The following GABBR1 variants were observed in gnomAD, a reference collection of about 807,000 sequenced individuals.
GABBR1 encodes the protein GABA-B receptor, R1 subunit.
Under a neutral mutation model 117.7 loss-of-function variants are expected in GABBR1, and 35 were observed. That is an observed-to-expected ratio of 0.30 (90% CI 0.23 to 0.39). The LOEUF is 0.39. Ranked by LOEUF, GABBR1 falls within the 10% of genes least tolerant of loss-of-function variation. The probability of loss-of-function intolerance (pLI) is 1.00; values close to 1 mark genes in which losing one functional copy is unlikely to be tolerated. For synonymous variants in GABBR1, 442 were observed against 486.6 expected, an observed-to-expected ratio of 0.91 and a Z score of 1.21; for missense variants, 709 against 1,241.8, an observed-to-expected ratio of 0.57 and a Z score of 6.45.
rs1172610531 is a variant in GABBR1, at chr6:29,627,978, G to A, written c.497-332C>T. On this transcript the variant is annotated intron_variant, in intron 5 of 22. Transcript: ENST00000377034. This position sits in a 1 kb window ranked among gnomAD's most constrained non-coding sequence, Gnocchi z 4.4. ...TACGGCCCCCGCGGCTCTCGCCACC[G>A]TCGCCGCCACCGCGGACTCTCCTCG... The A allele has an allele frequency of 1.5e-6, 2 of 1,343,676 alleles. No individual in the cohort carries two copies. The highest frequency in any genetic ancestry group is 1.5e-5 in the African/African-American group (1 of 64,682). The allele number at this position is 1,343,676 out of a possible 1,614,324, so 83.2% of individuals were successfully genotyped here.
Position 29,603,026 on chromosome 6 carries a change from G to A in GABBR1, c.*517C>T. The stretch of plus-strand genomic sequence containing the variant: ...TGGCGAAAAGAATGAGCTCCCAAAG[G>A]AAGCAAAATTCAGGGGGAGCCACAT... On this transcript the variant is annotated 3_prime_UTR_variant, in exon 23 of 23. Transcript: ENST00000377034. The A allele has an allele frequency of 2.2e-6, 1 of 456,888 alleles. No homozygotes were observed. Among genetic ancestry groups the A allele is most frequent in the Non-Finnish European group, 4.4e-6 (1 of 227,036 alleles). 28.3% of individuals were successfully genotyped at this position (456,888 alleles called of 1,614,324 possible).
In GABBR1 at chr6:29,613,531, T is replaced by C; in HGVS notation, c.1324-46A>G. ...AGGAAAGAACTGAAATGTGTGTGGG[T>C]GTGGGGGAAGGGGTGCAATCCAATT... On this transcript the variant is annotated intron_variant, in intron 11 of 22. Coordinates refer to ENST00000377034, the MANE Select transcript of GABBR1 (RefSeq NM_001470.4). The surrounding 1 kb of genome is among the most constrained non-coding windows in gnomAD (Gnocchi z 4.1). 6.3e-7 allele frequency: 1 copy of C among 1,593,702 alleles called. No homozygotes were observed. The highest frequency in any genetic ancestry group is 2.2e-5 in the East Asian group (1 of 44,556).
At chr6:29,629,031 G>A (rs1158746736) in intron 5 of GABBR1, 56 bp downstream of exon 5, 35 of 1,601,510 alleles carry the variant, frequency 2.2e-5, no homozygotes, top group Admixed American at 2.2e-4. Context: ...GGGGTGGAGG[G>A]TGCAGAGTGA....
rs532142172 is a variant in GABBR1 at position 29,613,120 on chromosome 6, G to A, written c.1566+123C>T. On this transcript the variant is annotated intron_variant, in intron 12 of 22. Transcript: ENST00000377034. This position sits in a 1 kb window ranked among gnomAD's most constrained non-coding sequence, Gnocchi z 4.1. ...TTTGAAGGTCCCTACTTCTCTGGTC[G>A]GAGACTGATTCTGCAAAGAAGTAAC... 241 of 1,075,018 alleles carry A rather than the reference G, an allele frequency of 2.2e-4. No individual in the cohort carries two copies. In the African/African-American group the frequency reaches 2.9e-3, roughly 13 times the overall value. The allele number at this position is 1,075,018 out of a possible 1,614,324, so 66.6% of individuals were successfully genotyped here.
At chr6:29,616,886 GC>G (rs1562100994) in intron 11 of GABBR1, among the ~76,000 whole-genome samples, 1 of 142,916 alleles carries the variant, frequency 7.0e-6, no homozygotes, top group Non-Finnish European at 1.5e-5. Flanking sequence ...GGTGGCTCAC[GC>G]CTGTAATCCC....
chr6:29,610,309 G>A (rs943188829), intron 14 of GABBR1, among the ~76,000 whole-genome samples: 14 of 152,166 alleles, frequency 9.2e-5, no homozygotes, highest in Non-Finnish European at 2.1e-4. Context: ...ATATTTTGAG[G>A]GATGTAATAC....
At chr6:29,629,009 C>T in intron 5 of GABBR1, 78 bp downstream of exon 5, 1 of 1,561,466 alleles carries the variant, frequency 6.4e-7, no homozygotes, top group Non-Finnish European at 8.8e-7. Context: ...AGCCTAAGGG[C>T]AGAATTTCAG....
At position 29,605,219 on chromosome 6, in the gene GABBR1, A is replaced by G; in HGVS notation, c.2440-231T>C. ...TCCCCTCAAGGCAGGAACTCCCAGG[A>G]TCTCTATGCACAGATTCCGGGTCCT... On this transcript the variant is annotated intron_variant, in intron 20 of 22. Transcript: ENST00000377034. The surrounding 1 kb of genome is among the most constrained non-coding windows in gnomAD (Gnocchi z 4.2). 1 of 581,936 alleles carries G rather than the reference A, an allele frequency of 1.7e-6. No individual in the cohort carries two copies. Among genetic ancestry groups the G allele is most frequent in the South Asian group, 2.4e-5 (1 of 41,578 alleles). The allele number at this position is 581,936 out of a possible 1,614,324, so 36.0% of individuals were successfully genotyped here.
chr6:29,611,992 C>T lies in GABBR1; in HGVS notation c.1630+559G>A, dbSNP rs1014057271. Among the ~76,000 whole-genome samples the T allele has an allele frequency of 1.3e-5, 2 of 152,000 alleles. No individual in the cohort carries two copies. The highest frequency in any genetic ancestry group is 4.8e-5 in the African/African-American group (2 of 41,382). On this transcript the variant is annotated intron_variant, in intron 13 of 22. Transcript: ENST00000377034. The surrounding 1 kb of genome is among the most constrained non-coding windows in gnomAD (Gnocchi z 4.6). The stretch of plus-strand genomic sequence containing the variant: ...AAAGAGAGTAGCTGTTTTTAATTTG[C>T]ATGTCTCTTTTCTTTTCTTTTTTCT...
In GABBR1 at chr6:29,605,427, G is replaced by C; in HGVS notation, c.2439+142C>G. On this transcript the variant is annotated intron_variant, in intron 20 of 22. Coordinates refer to ENST00000377034, the MANE Select transcript of GABBR1 (RefSeq NM_001470.4). The surrounding 1 kb of genome is among the most constrained non-coding windows in gnomAD (Gnocchi z 4.2). ...TAGTGAGCTTTGTAAACTGTAAAGT[G>C]CTTTATAGACCTGAAGAATTAACAA... 1 of 941,372 alleles carries C rather than the reference G, an allele frequency of 1.1e-6. No individual in the cohort carries two copies. The highest frequency in any genetic ancestry group is 1.6e-5 in the South Asian group (1 of 62,728). 58.3% of individuals were successfully genotyped at this position (941,372 alleles called of 1,614,324 possible).
rs1762286897 is a variant in GABBR1, at chr6:29,609,335, G to A, written c.1753C>T (p.Arg585Cys). 1.9e-6 allele frequency: 3 copies of A among 1,612,912 alleles called. No individual in the cohort carries two copies. The highest frequency in any genetic ancestry group is 1.7e-5 in the Admixed American group (1 of 60,016). ...ADQTLVIKTF[R>C]FLSQKLFISV... ...ATAAAGAGTTTCTGTGACAGGAAGC[G>A]GAATGTCTTGATGACCAGGGTCTGG... Residue 585 changes from arginine to cysteine, a missense_variant, in exon 15 of 23, where the codon CGC (arginine) becomes TGC (cysteine). Arg to Cys is a radical substitution (Grantham distance 180). Around this residue, in one of 9 missense-constraint regions of GABBR1, gnomAD observed 251 missense variants for 445.3 expected, o/e 0.56. Coordinates refer to ENST00000377034, the MANE Select transcript of GABBR1 (RefSeq NM_001470.4). The surrounding 1 kb of genome is among the most constrained non-coding windows in gnomAD (Gnocchi z 4.3).
intron 5 of GABBR1, among the ~76,000 whole-genome samples, chr6:29,628,605 G>A (rs151174546): frequency 1.3e-5 from 2 of 151,962 alleles, no homozygotes; most frequent in East Asian, 3.9e-4. Context: ...ACGAGGGAAG[G>A]GGTACACGGA....
At position 29,602,499 on chromosome 6, in the gene GABBR1, T is replaced by G; in HGVS notation, c.*1044A>C. ...GGAGAAGATGATTGTGAGTGTAGAC[T>G]GAGGGTAGTACATGAATGCAATGGA... On this transcript the variant is annotated 3_prime_UTR_variant, in exon 23 of 23. Coordinates refer to ENST00000377034, the MANE Select transcript of GABBR1 (RefSeq NM_001470.4). 6.3e-6 allele frequency: 1 copy of G among 157,682 alleles called. No homozygotes were observed. Among genetic ancestry groups the G allele is most frequent in the Non-Finnish European group, 1.4e-5 (1 of 70,878 alleles). The allele number at this position is 157,682 out of a possible 1,614,324, so 9.8% of individuals were successfully genotyped here. A position where few individuals can be genotyped will look rare whatever the true frequency, so the allele number is the denominator to read the frequency against.
chr6:29,605,883 AC>A lies in GABBR1; in HGVS notation c.2312-188del. The A allele has an allele frequency of 1.6e-6, 1 of 629,258 alleles. No individual in the cohort carries two copies. Among genetic ancestry groups the A allele is most frequent in the Non-Finnish European group, 2.7e-6 (1 of 365,682 alleles). The allele number at this position is 629,258 out of a possible 1,614,324, so 39.0% of individuals were successfully genotyped here. A position where few individuals can be genotyped will look rare whatever the true frequency, so the allele number is the denominator to read the frequency against. The stretch of plus-strand genomic sequence containing the variant: ...CCTTATGTCCACCCAACTTGCCCAG[AC>A]CACATCACTTTTTCCTGGGATTCAC... On this transcript the variant is annotated intron_variant, in intron 19 of 22. Coordinates refer to ENST00000377034, the MANE Select transcript of GABBR1 (RefSeq NM_001470.4). The surrounding 1 kb of genome is among the most constrained non-coding windows in gnomAD (Gnocchi z 4.2).
Position 29,605,221 on chromosome 6 carries a change from C to A in GABBR1, c.2440-233G>T. The A allele has an allele frequency of 1.7e-6, 1 of 576,924 alleles. No individual in the cohort carries two copies. The highest frequency in any genetic ancestry group is 3.0e-6 in the Non-Finnish European group (1 of 334,616). The allele number at this position is 576,924 out of a possible 1,614,324, so 35.7% of individuals were successfully genotyped here. A position where few individuals can be genotyped will look rare whatever the true frequency, so the allele number is the denominator to read the frequency against. On this transcript the variant is annotated intron_variant, in intron 20 of 22. Transcript: ENST00000377034. The surrounding 1 kb of genome is among the most constrained non-coding windows in gnomAD (Gnocchi z 4.2). Reference sequence around the variant, plus strand: ...CCCTCAAGGCAGGAACTCCCAGGATCTCTATGCACAGATTCCGGGTCCTCC... The same window carrying A: ...CCCTCAAGGCAGGAACTCCCAGGATATCTATGCACAGATTCCGGGTCCTCC...
In GABBR1 at chr6:29,604,994, G is replaced by C; in HGVS notation, c.2440-6C>G. On this transcript the variant is annotated splice_polypyrimidine_tract_variant and splice_region_variant and intron_variant, in intron 20 of 22. Transcript: ENST00000377034. The surrounding 1 kb of genome is among the most constrained non-coding windows in gnomAD (Gnocchi z 5.3). ...GCAGTGATGAGGCACAGGACCTAGA[G>C]GGAAAGACACATTGAGGGAGTCTCA... The C allele has an allele frequency of 6.2e-7, 1 of 1,607,182 alleles. No homozygotes were observed. Among genetic ancestry groups the C allele is most frequent in the Non-Finnish European group, 8.5e-7 (1 of 1,177,506 alleles).
In GABBR1 at chr6:29,605,778, C is replaced by T. The variant is rs1761884699; in HGVS notation, c.2312-82G>A. On this transcript the variant is annotated intron_variant, in intron 19 of 22. Coordinates refer to ENST00000377034, the MANE Select transcript of GABBR1 (RefSeq NM_001470.4). This position sits in a 1 kb window ranked among gnomAD's most constrained non-coding sequence, Gnocchi z 4.2. ...ATCCCCATCCCCTCTCTGCCCTTCACCTACTCTGAAATGGAAAGGGGGCCC... is the reference window on the plus strand; with the variant it reads ...ATCCCCATCCCCTCTCTGCCCTTCATCTACTCTGAAATGGAAAGGGGGCCC... 9.8e-6 allele frequency: 15 copies of T among 1,533,164 alleles called. No individual in the cohort carries two copies. Among genetic ancestry groups the T allele is most frequent in the South Asian group, 2.4e-5 (2 of 82,566 alleles). 95.0% of individuals were successfully genotyped at this position (1,533,164 alleles called of 1,614,324 possible).
rs1260130981 is a variant in GABBR1 at position 29,613,660 on chromosome 6, A to G, written c.1324-175T>C. 6.6e-6 allele frequency among the ~76,000 whole-genome samples: 1 copy of G among 152,232 alleles called. No homozygotes were observed. The highest frequency in any genetic ancestry group is 2.4e-5 in the African/African-American group (1 of 41,456). On this transcript the variant is annotated intron_variant, in intron 11 of 22. Coordinates refer to ENST00000377034, the MANE Select transcript of GABBR1 (RefSeq NM_001470.4). This position sits in a 1 kb window ranked among gnomAD's most constrained non-coding sequence, Gnocchi z 4.1. ...AACTATACCCATGTGTCTGCCTTAG[A>G]TCGGAAGCTACTAGACTAGAGTAGG...
Position 29,613,096 on chromosome 6 carries a change from T to C in GABBR1, c.1566+147A>G, listed in dbSNP as rs1762722342. ...CTAGTCTTTGATGGGTTCTTCTAATTTGAAGGTCCCTACTTCTCTGGTCGG... is the reference window on the plus strand; with the variant it reads ...CTAGTCTTTGATGGGTTCTTCTAATCTGAAGGTCCCTACTTCTCTGGTCGG... On this transcript the variant is annotated intron_variant, in intron 12 of 22. Coordinates refer to ENST00000377034, the MANE Select transcript of GABBR1 (RefSeq NM_001470.4). The surrounding 1 kb of genome is among the most constrained non-coding windows in gnomAD (Gnocchi z 4.1). 1.2e-6 allele frequency: 1 copy of C among 860,616 alleles called. No homozygotes were observed. The highest frequency in any genetic ancestry group is 1.8e-5 in the South Asian group (1 of 57,080). 53.3% of individuals were successfully genotyped at this position (860,616 alleles called of 1,614,324 possible).
Sources: allele counts gnomAD v4.1 joint callset (sites outside exome capture counted in the v4.1 genomes callset), GRCh38; gene constraint gnomAD v4.1.1; regional missense constraint gnomAD v4.1.1; non-coding constraint Gnocchi (gnomAD v3.1); transcripts MANE v1.5; gene names NCBI Gene and HGNC (gene_info 2026-07-23, HGNC 2026-07-21).